The following FAT4 variants were observed in gnomAD, a reference collection of about 807,000 sequenced individuals.
The protein encoded by FAT4 is protocadherin Fat 4.
In FAT4, 84 loss-of-function variants were observed where a neutral mutation model predicts 303.9. The ratio of observed to expected loss-of-function variants is 0.28; its 90% CI spans 0.23 to 0.33. The LOEUF is 0.33. Ranked by LOEUF, FAT4 falls within the 10% of genes least tolerant of loss-of-function variation. The pLI is 1.00. For missense variants in FAT4, 6,005 were observed against 6,146.8 expected (o/e 0.98, Z 0.77); for synonymous variants, 2,307 against 2,298.8 (o/e 1.00, Z -0.10).
chr4:125,343,408 T>G (rs1174973005), intron 2 of FAT4, among the ~76,000 whole-genome samples: 1 of 152,132 alleles, frequency 6.6e-6, no homozygotes, highest in Non-Finnish European at 1.5e-5. Context: ...CTTCACCTCC[T>G]GTGCATGTTA....
intron 2 of FAT4, among the ~76,000 whole-genome samples, chr4:125,344,818 C>T (rs1731935904): frequency 6.6e-6 from 1 of 152,008 alleles, no homozygotes; most frequent in Non-Finnish European, 1.5e-5. Context: ...GTCCCCCCTG[C>T]CCCCCACCAC....
Position 125,321,133 on chromosome 4 carries a change from C to T in FAT4, c.4722C>T (p.Thr1574=). 6.2e-7 allele frequency: 1 copy of T among 1,614,082 alleles called. No homozygotes were observed. The highest frequency in any genetic ancestry group is 8.5e-7 in the Non-Finnish European group (1 of 1,179,978). Residue 1574 remains threonine (T), a synonymous_variant, in exon 2 of 18, where the codon ACC becomes ACT. Transcript: ENST00000394329. ...EYEIINGDTD[T]FIVDRYSGDL... Reference sequence around the variant, plus strand: ...AGATCATCAATGGGGACACAGACACCTTCATTGTTGATCGTTATAGTGGAG... The same window carrying T: ...AGATCATCAATGGGGACACAGACACTTTCATTGTTGATCGTTATAGTGGAG...
chr4:125,419,597 T>A lies in FAT4; in HGVS notation c.7018+2975T>A, dbSNP rs187773549. ...TACCCTATCTCTTGCATAGACAGCA[T>A]GCAGTGATTTCTAAGAATAAAATTT... On this transcript the variant is annotated intron_variant, in intron 7 of 17. Transcript: ENST00000394329. Among the ~76,000 whole-genome samples the A allele has an allele frequency of 2.0e-5, 3 of 152,320 alleles. No homozygotes were observed. The East Asian group carries it at 5.8e-4, about 29-fold the overall frequency.
At chr4:125,418,474 T>A (rs755820124) in intron 7 of FAT4, among the ~76,000 whole-genome samples, 6 of 152,320 alleles carry the variant, frequency 3.9e-5, no homozygotes, top group Admixed American at 1.3e-4. Flanking sequence ...TAACTACTCC[T>A]GTCTACTGCT....
At chr4:125,383,168 G>A (rs192277880) in intron 2 of FAT4, among the ~76,000 whole-genome samples, 1 of 152,172 alleles carries the variant, frequency 6.6e-6, no homozygotes, top group Non-Finnish European at 1.5e-5. Context: ...TAGCTATTTG[G>A]CACAAGAGAC....
At chr4:125,352,942 C>T (rs1732288415) in intron 2 of FAT4, among the ~76,000 whole-genome samples, 1 of 151,716 alleles carries the variant, frequency 6.6e-6, no homozygotes, top group South Asian at 2.1e-4. Context: ...AGCAGAATGC[C>T]TTGGACATAA....
intron 7 of FAT4, among the ~76,000 whole-genome samples, chr4:125,430,961 C>T (rs191616032): frequency 1.3e-5 from 2 of 152,302 alleles, no homozygotes; most frequent in African/African-American, 2.4e-5. Flanking sequence ...TGAGACTGAA[C>T]TTGCTGTAAG....
chr4:125,417,440 A>C (rs1034117051), intron 7 of FAT4, among the ~76,000 whole-genome samples: 6 of 152,162 alleles, frequency 3.9e-5, no homozygotes, highest in Non-Finnish European at 7.4e-5. Flanking sequence ...TGATGCCATC[A>C]GCCTTGAAAA....
In FAT4 at chr4:125,321,006, A is replaced by T; in HGVS notation, c.4595A>T (p.Gln1532Leu). 6.2e-7 allele frequency: 1 copy of T among 1,614,194 alleles called. No homozygotes were observed. The highest frequency in any genetic ancestry group is 8.5e-7 in the Non-Finnish European group (1 of 1,180,016). The change falls in exon 2 of 18, where the codon CAA becomes CTA. Residue 1532 changes from glutamine (Q) to leucine (L), a missense_variant. By Grantham distance (113) the Gln-to-Leu change is moderately radical. Coordinates refer to ENST00000394329, the MANE Select transcript of FAT4 (RefSeq NM_001291303.3). ...GACAATGTCCCAATGTTTATATCAC[A>T]AAACGCCCTTGCTGCAGACCCATCA... ...LNDNVPMFISQNALAADPSAV... is the reference protein window; with the variant it reads ...LNDNVPMFISLNALAADPSAV...
Position 125,398,925 on chromosome 4 carries a change from G to A in FAT4, c.5307+10G>A. The A allele has an allele frequency of 6.2e-7, 1 of 1,612,404 alleles. No homozygotes were observed. Among genetic ancestry groups the A allele is most frequent in the Non-Finnish European group, 8.5e-7 (1 of 1,178,858 alleles). On this transcript the variant is annotated intron_variant, in intron 3 of 17. Transcript: ENST00000394329. ...CATGGATGCTGATGAGGTAGCTCAA[G>A]CATGTCTCTGAATTTGTGAAACTTC...
At chr4:125,489,770 G>A in intron 17 of FAT4, 131 bp from the exon 18 acceptor site, 1 of 675,806 alleles carries the variant, frequency 1.5e-6, no homozygotes, top group South Asian at 2.4e-5. Flanking sequence ...CTGAGACTGA[G>A]GTTTCTGTAT....
intron 2 of FAT4, among the ~76,000 whole-genome samples, chr4:125,345,168 G>T (rs1731948179): frequency 6.6e-6 from 1 of 152,204 alleles, no homozygotes; most frequent in Middle Eastern, 3.4e-3. Flanking sequence ...TAAAATTGGT[G>T]AGCAGATGAA....
chr4:125,479,910 G>A (rs866151757), intron 15 of FAT4, 45 bp downstream of exon 15: 3 of 1,445,742 alleles, frequency 2.1e-6, no homozygotes, highest in South Asian at 1.7e-5. Flanking sequence ...TAATAACTAT[G>A]AAAAGTAAAA....
rs974599367 is a variant in FAT4, at chr4:125,398,724, T to A, written c.5176-60T>A. The A allele has an allele frequency of 7.8e-6, 12 of 1,546,866 alleles. No homozygotes were observed. The Admixed American group carries it at 1.9e-4, about 25-fold the overall frequency. On this transcript the variant is annotated intron_variant, in intron 2 of 17. Coordinates refer to ENST00000394329, the MANE Select transcript of FAT4 (RefSeq NM_001291303.3). ...TTGCGTGGATTCCTGGTAGTCATTT[T>A]AATTGGTATCTTGCAGACACGTGGG...
rs756659900 is a variant in FAT4, at chr4:125,316,502, C to T, written c.91C>T (p.Leu31=). 6.8e-6 allele frequency: 11 copies of T among 1,613,884 alleles called. No individual in the cohort carries two copies. In the African/African-American group the frequency reaches 1.1e-4, roughly 16 times the overall value. The change falls in exon 2 of 18, where the codon CTG becomes TTG. Residue 31 remains leucine, a synonymous_variant. Coordinates refer to ENST00000394329, the MANE Select transcript of FAT4 (RefSeq NM_001291303.3). This position sits in a 1 kb window ranked among gnomAD's most constrained non-coding sequence, Gnocchi z 5.7. ...VSQLLRVFWL[L]SLLPGQAWVH... ...TCAGCTCCTTCGAGTGTTTTGGCTA[C>T]TGTCATTGCTTCCGGGGCAGGCCTG...
At chr4:125,346,475 A>T (rs1299004935) in intron 2 of FAT4, among the ~76,000 whole-genome samples, 1 of 152,030 alleles carries the variant, frequency 6.6e-6, no homozygotes, top group Non-Finnish European at 1.5e-5. Flanking sequence ...TTAGACAATA[A>T]GGGTAATGCA....
In FAT4 at chr4:125,349,996, A is replaced by C. The variant is rs193250874; in HGVS notation, c.5175+28410A>C. Among the ~76,000 whole-genome samples, 7 of 151,844 alleles carry C rather than the reference A, an allele frequency of 4.6e-5. No individual in the cohort carries two copies. The East Asian group carries it at 1.4e-3, about 29-fold the overall frequency. The stretch of plus-strand genomic sequence containing the variant: ...TCAGTTTTTTATGTATGGATCTATT[A>C]ATTTCAATGAAATTTGGATCCAGTA... On this transcript the variant is annotated intron_variant, in intron 2 of 17. Transcript: ENST00000394329.
Position 125,408,535 on chromosome 4 carries a change from C to T in FAT4, c.5661C>T (p.Gly1887=). The change falls in exon 5 of 18, where the codon GGC becomes GGT. Residue 1887 remains glycine, a synonymous_variant. Transcript: ENST00000394329. ...TTGTGAATGAAGATGATGAAGATGG[C>T]ATCTTTTTCCTGAATCCTATTACTG... is the stretch of plus-strand genomic sequence containing the variant. ...TYIVNEDDED[G]IFFLNPITGV... is the part of the protein sequence containing the mutation. 1 of 1,612,802 alleles carries T rather than the reference C, an allele frequency of 6.2e-7. No homozygotes were observed. Among genetic ancestry groups the T allele is most frequent in the Non-Finnish European group, 8.5e-7 (1 of 1,179,212 alleles).
chr4:125,485,240 ATAAAT>A (rs1727366388), intron 16 of FAT4, among the ~76,000 whole-genome samples: 1 of 151,550 alleles, frequency 6.6e-6, no homozygotes, highest in Non-Finnish European at 1.5e-5. Flanking sequence ...TTCTTCAATA[ATAAAT>A]TAACTTTAGC....
Sources: allele counts gnomAD v4.1 joint callset (sites outside exome capture counted in the v4.1 genomes callset), GRCh38; gene constraint gnomAD v4.1.1; non-coding constraint Gnocchi (gnomAD v3.1); transcripts MANE v1.5; gene names NCBI Gene and HGNC (gene_info 2026-07-23, HGNC 2026-07-21).